The following CTNNA2 variants were observed in gnomAD, a reference collection of about 807,000 sequenced individuals.
The protein encoded by CTNNA2 is catenin alpha-2.
A neutral mutation model predicts 101.0 loss-of-function variants in CTNNA2; 42 were observed. The observed-to-expected ratio is 0.42, with a 90% CI of 0.32 to 0.54. CTNNA2 has a LOEUF of 0.54. Ranked by LOEUF, CTNNA2 falls within the 20% of genes least tolerant of loss-of-function variation. The pLI is 0.14. For missense variants in CTNNA2, 871 were observed against 1,223.1 expected, an observed-to-expected ratio of 0.71 and a Z score of 4.29; for synonymous variants, 450 against 456.4, an observed-to-expected ratio of 0.99 and a Z score of 0.18.
At chr2:79,475,679 C>CAT (rs10626335) in intron 4 of CTNNA2, among the ~76,000 whole-genome samples, 56 of 149,734 alleles carry the variant, frequency 3.7e-4, no homozygotes, top group African/African-American at 1.1e-3. Context: ...TCTTTGAATA[C>CAT]TTTTTTTTTT....
chr2:80,599,873 A>G (rs1024566736), intron 15 of CTNNA2, among the ~76,000 whole-genome samples: 1 of 151,296 alleles, frequency 6.6e-6, no homozygotes, highest in South Asian at 2.1e-4. Flanking sequence ...TGCTGCACCC[A>G]TTAACTCGTC....
chr2:79,461,363 T>G (rs1310558141), intron 4 of CTNNA2, among the ~76,000 whole-genome samples: 1 of 152,238 alleles, frequency 6.6e-6, no homozygotes, highest in African/African-American at 2.4e-5. Context: ...ACTTGGATAC[T>G]TCAGAAGAGA....
intron 7 of CTNNA2, among the ~76,000 whole-genome samples, chr2:79,978,126 T>C (rs1202530881): frequency 6.6e-6 from 1 of 152,214 alleles, no homozygotes; most frequent in Admixed American, 6.5e-5. Context: ...ATATTGTTTT[T>C]TTCTTATGGA....
intron 7 of CTNNA2, among the ~76,000 whole-genome samples, chr2:79,926,378 CATAAGTT>C (rs1481480108): frequency 1.3e-5 from 2 of 152,086 alleles, no homozygotes; most frequent in Non-Finnish European, 2.9e-5. Flanking sequence ...TTGCAGCATA[CATAAGTT>C]ATAATATTCC....
chr2:79,776,142 C>A lies in CTNNA2; in HGVS notation c.298+31560C>A, dbSNP rs561945119. Reference sequence around the variant, plus strand: ...AGTTTAATGAAGACCAGTAAACTTTCATCTGCCTGAAATTTTAAAATGTGG... The same window carrying A: ...AGTTTAATGAAGACCAGTAAACTTTAATCTGCCTGAAATTTTAAAATGTGG... On this transcript the variant is annotated intron_variant, in intron 3 of 18. Transcript: ENST00000402739. 4.1e-4 allele frequency among the ~76,000 whole-genome samples: 62 copies of A among 152,302 alleles called. No homozygotes were observed. The South Asian group carries it at 0.012, about 30-fold the overall frequency.
chr2:79,670,597 G>T (rs552036473), intron 2 of CTNNA2, among the ~76,000 whole-genome samples: 14 of 152,180 alleles, frequency 9.2e-5, no homozygotes, highest in African/African-American at 3.4e-4. Flanking sequence ...TACCAGTTTG[G>T]GTGCCTTATT....
intron 2 of CTNNA2, among the ~76,000 whole-genome samples, chr2:79,720,683 C>T (rs1686421489): frequency 6.6e-6 from 1 of 152,038 alleles, no homozygotes; most frequent in Non-Finnish European, 1.5e-5. Flanking sequence ...ATTTGACTTT[C>T]AGCATGGACA....
rs181914645 is a variant in CTNNA2 at position 79,670,680 on chromosome 2, C to T, written c.102+19022C>T. Among the ~76,000 whole-genome samples, 511 of 152,258 alleles carry T rather than the reference C, an allele frequency of 3.4e-3. 4 individuals carry two copies. The highest frequency in any genetic ancestry group is 0.012 in the African/African-American group (495 of 41,544). ...ATTTTAATTTTTTAAAAACCTAATA[C>T]TTAGTTTTTGGCAAAAACCAATATA... On this transcript the variant is annotated intron_variant, in intron 2 of 18. Transcript: ENST00000402739.
At chr2:79,548,820 A>G (rs1270475964) in intron 1 of CTNNA2, among the ~76,000 whole-genome samples, 2 of 152,176 alleles carry the variant, frequency 1.3e-5, no homozygotes, top group Non-Finnish European at 2.9e-5. Flanking sequence ...CCTGCCCCAC[A>G]GTGCCTGCTC....
Position 80,619,177 on chromosome 2 carries a change from A to G in CTNNA2, c.2523A>G (p.Pro841=). The G allele has an allele frequency of 6.3e-7, 1 of 1,586,198 alleles. No homozygotes were observed. Among genetic ancestry groups the G allele is most frequent in the Non-Finnish European group, 8.6e-7 (1 of 1,165,750 alleles). ...CTAGTCAACTTTCTACCCACCTCCC[A>G]ACCTGTGCTGAGGGAGCTCCGATCG... ...GRASQLSTHL[P]TCAEGAPIGS... Residue 841 remains proline, a synonymous_variant, in exon 18 of 19, where the codon CCA becomes CCG. Coordinates refer to ENST00000402739, the MANE Select transcript of CTNNA2 (RefSeq NM_001282597.3).
chr2:79,459,941 A>G (rs1380545636), intron 4 of CTNNA2, among the ~76,000 whole-genome samples: 1 of 152,066 alleles, frequency 6.6e-6, no homozygotes, highest in African/African-American at 2.4e-5. Context: ...CTATTTGATT[A>G]TTGCTTTTCT....
chr2:80,642,585 G>C (rs908709770), intron 18 of CTNNA2, among the ~76,000 whole-genome samples: 5 of 152,160 alleles, frequency 3.3e-5, no homozygotes, highest in Admixed American at 2.0e-4. Context: ...TTCAAGAGGT[G>C]TAGTTGCACT....
chr2:79,428,449 GA>G (rs1573161499), intron 4 of CTNNA2, among the ~76,000 whole-genome samples: 1 of 152,008 alleles, frequency 6.6e-6, no homozygotes, highest in East Asian at 1.9e-4. Flanking sequence ...TAGTCACTGG[GA>G]ACAGAAAGTG....
At chr2:79,224,377 G>A (rs1381699311) in intron 2 of CTNNA2, among the ~76,000 whole-genome samples, 1 of 152,004 alleles carries the variant, frequency 6.6e-6, no homozygotes, top group Non-Finnish European at 1.5e-5. Context: ...GAAAACTGAA[G>A]GAATTTTACC....
intron 18 of CTNNA2, among the ~76,000 whole-genome samples, chr2:80,623,793 T>G (rs1558654150): frequency 6.6e-6 from 1 of 151,934 alleles, no homozygotes; most frequent in Non-Finnish European, 1.5e-5. Context: ...CACCAAAGTT[T>G]TAGAATCCCT....
intron 10 of CTNNA2, 84 bp from the exon 11 acceptor site, chr2:80,545,823 A>T: frequency 7.1e-7 from 1 of 1,418,226 alleles, no homozygotes; most frequent in Non-Finnish European, 9.7e-7. Flanking sequence ...TACAGGGTGC[A>T]TGGTTTTAAC....
intron 3 of CTNNA2, among the ~76,000 whole-genome samples, chr2:79,798,933 AT>A (rs1172025148): frequency 2.0e-5 from 3 of 152,286 alleles, no homozygotes; most frequent in Admixed American, 2.0e-4. Context: ...AAGGTGATGC[AT>A]GGAAAGTACG....
At chr2:79,746,115 A>T (rs931458706) in intron 3 of CTNNA2, among the ~76,000 whole-genome samples, 1 of 152,170 alleles carries the variant, frequency 6.6e-6, no homozygotes, top group Non-Finnish European at 1.5e-5. Flanking sequence ...TTGTGAGGTG[A>T]TATCTCATTG....
intron 7 of CTNNA2, among the ~76,000 whole-genome samples, chr2:79,939,078 C>T (rs759560241): frequency 2.0e-5 from 3 of 152,070 alleles, no homozygotes; most frequent in Admixed American, 1.3e-4. Context: ...TTGAACTCTC[C>T]GTTATATTAT....
Sources: allele counts gnomAD v4.1 joint callset (sites outside exome capture counted in the v4.1 genomes callset), GRCh38; gene constraint gnomAD v4.1.1; transcripts MANE v1.5; gene names NCBI Gene and HGNC (gene_info 2026-07-23, HGNC 2026-07-21).